Variants in PTPRN2 observed in about 807,000 individuals in gnomAD.
PTPRN2 encodes the protein receptor-type tyrosine-protein phosphatase N2.
PTPRN2 carries 74 observed loss-of-function variants against 118.8 expected under a neutral mutation model. The observed-to-expected ratio is 0.62, with a 90% CI of 0.52 to 0.76. The LOEUF (loss-of-function observed/expected upper bound fraction) is 0.76, where lower values mean the gene tolerates loss of function less well. Among genes scored for constraint, PTPRN2 ranks in the 30% least tolerant of loss-of-function variants. The pLI is 0.00. For missense variants in PTPRN2, 1,481 were observed against 1,394.4 expected (o/e 1.06, Z -0.99); for synonymous variants, 641 against 608.0 (o/e 1.05, Z -0.80).
intron 11 of PTPRN2, among the ~76,000 whole-genome samples, chr7:157,963,939 G>T (rs151065158): frequency 1.3e-5 from 2 of 152,146 alleles, no homozygotes; most frequent in Non-Finnish European, 2.9e-5. Flanking sequence ...CCTGGCCTTG[G>T]CCTCCCAAAG....
chr7:158,530,494 T>A (rs1199169137), intron 1 of PTPRN2, among the ~76,000 whole-genome samples: 2 of 152,074 alleles, frequency 1.3e-5, no homozygotes, highest in African/African-American at 4.8e-5. Context: ...TTTCATGCAC[T>A]GGGACAGGGA....
chr7:157,753,973 G>A (rs1390511728), intron 12 of PTPRN2, among the ~76,000 whole-genome samples: 2 of 152,258 alleles, frequency 1.3e-5, no homozygotes, highest in Non-Finnish European at 2.9e-5. Context: ...GGCACCAGCT[G>A]ACCCCATCCT....
rs2129451719 is a variant in PTPRN2, at chr7:158,574,883, C to T, written c.112+12675G>A. Reference sequence around the variant, plus strand: ...AACAACGTCCCTGTCCGCCATCCACCTAGTCCCAGCAGCAGAGGTGAGAGC... The same window carrying T: ...AACAACGTCCCTGTCCGCCATCCACTTAGTCCCAGCAGCAGAGGTGAGAGC... On this transcript the variant is annotated intron_variant, in intron 1 of 22. Coordinates refer to ENST00000389418, the MANE Select transcript of PTPRN2 (RefSeq NM_002847.5). The surrounding 1 kb of genome is among the most constrained non-coding windows in gnomAD (Gnocchi z 4.6). Among the ~76,000 whole-genome samples the T allele has an allele frequency of 6.6e-6, 1 of 152,292 alleles. No homozygotes were observed. Among genetic ancestry groups the T allele is most frequent in the South Asian group, 2.1e-4 (1 of 4,824 alleles).
chr7:158,146,602 T>C (rs1334395049), intron 6 of PTPRN2, among the ~76,000 whole-genome samples: 1 of 149,936 alleles, frequency 6.7e-6, no homozygotes, highest in African/African-American at 2.5e-5. Flanking sequence ...GCGCCTGTAG[T>C]CCCAGCTACT....
rs1810897649 is a variant in PTPRN2 at position 157,869,065 on chromosome 7, A to G, written c.1788+29608T>C. ...GTGTAATTCCAAATCTGTAAGTACT[A>G]AGTTTTAAAATGCGTGTGAGCAAGT... On this transcript the variant is annotated intron_variant, in intron 12 of 22. Transcript: ENST00000389418. The surrounding 1 kb of genome is among the most constrained non-coding windows in gnomAD (Gnocchi z 4.2). The G allele has an allele frequency of 6.6e-6, 1 of 152,252 alleles. No homozygotes were observed. Among genetic ancestry groups the G allele is most frequent in the East Asian group, 1.9e-4 (1 of 5,202 alleles). 9.4% of individuals were successfully genotyped at this position (152,252 alleles called of 1,614,324 possible).
chr7:157,810,387 A>G (rs1393503756), intron 12 of PTPRN2, among the ~76,000 whole-genome samples: 5 of 152,054 alleles, frequency 3.3e-5, no homozygotes, highest in Non-Finnish European at 7.4e-5. Flanking sequence ...CGTGCTGGGC[A>G]CAGGCTCTCC....
intron 2 of PTPRN2, among the ~76,000 whole-genome samples, chr7:158,432,597 GTAT>G (rs1304965849): frequency 6.6e-6 from 1 of 152,172 alleles, no homozygotes; most frequent in South Asian, 2.1e-4. Flanking sequence ...TATGTTTAAA[GTAT>G]TATGCAAACA....
At chr7:158,442,299 G>A (rs1000646812) in intron 2 of PTPRN2, among the ~76,000 whole-genome samples, 1 of 152,124 alleles carries the variant, frequency 6.6e-6, no homozygotes, top group Non-Finnish European at 1.5e-5. Flanking sequence ...ATCATACAAT[G>A]TGTAAAGAAG....
chr7:158,146,359 C>G (rs756568353), intron 6 of PTPRN2, among the ~76,000 whole-genome samples: 4 of 152,190 alleles, frequency 2.6e-5, no homozygotes, highest in Non-Finnish European at 4.4e-5. Flanking sequence ...ACCCACTAAC[C>G]TACCCATTGA....
At chr7:158,039,777 C>G (rs1299151750) in intron 11 of PTPRN2, among the ~76,000 whole-genome samples, 1 of 152,132 alleles carries the variant, frequency 6.6e-6, no homozygotes, top group Non-Finnish European at 1.5e-5. Context: ...GAAAAAGAAT[C>G]AGACTCAGAT....
chr7:158,411,269 C>T (rs888682869), intron 2 of PTPRN2, among the ~76,000 whole-genome samples: 7 of 152,188 alleles, frequency 4.6e-5, no homozygotes, highest in East Asian at 1.9e-4. Context: ...TCTCCCTTCC[C>T]CACGTAAAGA....
At chr7:158,350,187 C>G (rs913377558) in intron 2 of PTPRN2, among the ~76,000 whole-genome samples, 9 of 152,186 alleles carry the variant, frequency 5.9e-5, no homozygotes, top group Non-Finnish European at 1.2e-4. Context: ...GATGGAGGCT[C>G]CATTGAGCAT....
rs377347892 is a variant in PTPRN2 at position 157,689,685 on chromosome 7, G to A, written c.1789-6748C>T. Among the ~76,000 whole-genome samples, 24 of 152,350 alleles carry A rather than the reference G, an allele frequency of 1.6e-4. No homozygotes were observed. The East Asian group carries it at 2.1e-3, about 13-fold the overall frequency. On this transcript the variant is annotated intron_variant, in intron 12 of 22. Coordinates refer to ENST00000389418, the MANE Select transcript of PTPRN2 (RefSeq NM_002847.5). ...AAGTCCCTCGTTCCAACAGCTTCGG[G>A]TCCAGTCACAAGTTTCTCTCTGGCG...
chr7:157,914,243 CAG>C (rs1192736669), intron 11 of PTPRN2, among the ~76,000 whole-genome samples: 12 of 152,256 alleles, frequency 7.9e-5, no homozygotes, highest in Admixed American at 3.3e-4. Flanking sequence ...TTTAAACAAA[CAG>C]AGAGATTCTC....
At chr7:158,465,750 G>C (rs1024551682) in intron 2 of PTPRN2, among the ~76,000 whole-genome samples, 3 of 152,184 alleles carry the variant, frequency 2.0e-5, no homozygotes, top group African/African-American at 7.2e-5. Context: ...GCCTCCAGTG[G>C]ATGCTTGGGA....
chr7:157,765,033 A>ATCG (rs1212989655), intron 12 of PTPRN2, among the ~76,000 whole-genome samples: 10 of 138,500 alleles, frequency 7.2e-5, no homozygotes, highest in African/African-American at 2.3e-4. Flanking sequence ...TCCATCCATC[A>ATCG]TGCACTCATC....
At chr7:158,342,813 C>G (rs1047142534) in intron 2 of PTPRN2, among the ~76,000 whole-genome samples, 1 of 152,084 alleles carries the variant, frequency 6.6e-6, no homozygotes, top group Non-Finnish European at 1.5e-5. Context: ...GGTACGGAAA[C>G]AGGATCAACC....
rs372409254 is a variant in PTPRN2, at chr7:157,603,567, C to T, written c.2418+435G>A. Among the ~76,000 whole-genome samples the T allele has an allele frequency of 5.5e-4, 84 of 152,328 alleles. No homozygotes were observed. The South Asian group carries it at 0.013, about 24-fold the overall frequency. On this transcript the variant is annotated intron_variant, in intron 16 of 22. Coordinates refer to ENST00000389418, the MANE Select transcript of PTPRN2 (RefSeq NM_002847.5). This position sits in a 1 kb window ranked among gnomAD's most constrained non-coding sequence, Gnocchi z 5.4. ...ATTCACTGGAAATACTTCAGGAAAA[C>T]GAACCTGAAATTCTGGACCTGCCTC...
At chr7:157,891,045 C>T (rs541771480) in intron 12 of PTPRN2, among the ~76,000 whole-genome samples, 2 of 152,282 alleles carry the variant, frequency 1.3e-5, no homozygotes, top group African/African-American at 4.8e-5. Context: ...TGGGCAAAGG[C>T]CCCCCTCTGT....
Sources: gnomAD v4.1 joint callset for allele counts (sites outside exome capture counted in the v4.1 genomes callset) on GRCh38, gnomAD v4.1.1 for gene constraint, Gnocchi (gnomAD v3.1) non-coding constraint, MANE v1.5 for transcripts, NCBI Gene and HGNC (gene_info 2026-07-23, HGNC 2026-07-21) for gene names.